GLI2: variants seen among roughly 807,000 people sequenced by gnomAD.
GLI2 encodes the protein GLI family zinc finger 2, also known as transcription activator GLI2.
In GLI2, 22 loss-of-function variants were observed where a neutral mutation model predicts 78.9. That is an observed-to-expected ratio of 0.28 (90% CI 0.20 to 0.40). GLI2 has a LOEUF of 0.40. Ranked by LOEUF, GLI2 falls within the 10% of genes least tolerant of loss-of-function variation. GLI2 has a pLI of 1.00. For missense variants in GLI2, 2,097 were observed against 2,213.2 expected (o/e 0.95, Z 1.05); for synonymous variants, 974 against 963.7 (o/e 1.01, Z -0.20).
chr2:120,867,952 C>T (rs754788377), intron 2 of GLI2, among the ~76,000 whole-genome samples: 2 of 152,202 alleles, frequency 1.3e-5, no homozygotes, highest in African/African-American at 2.4e-5. Context: ...TGCGTGGACC[C>T]AGGCGAGCGT....
chr2:120,982,317 G>A (rs1193205964), intron 10 of GLI2, among the ~76,000 whole-genome samples: 1 of 152,232 alleles, frequency 6.6e-6, no homozygotes, highest in Admixed American at 6.5e-5. Context: ...TTCTAACCGA[G>A]AGTGGTACTG....
At chr2:120,933,840 AGCCCT>A (rs56996797) in intron 3 of GLI2, among the ~76,000 whole-genome samples, 57,648 of 137,628 alleles carry the variant, frequency 0.42, 11,710 homozygotes, top group East Asian at 0.51. Context: ...GGACCTTTCC[AGCCCT>A]GCCCTGCCCT....
At chr2:120,815,590 A>T (rs1428646994) in intron 2 of GLI2, among the ~76,000 whole-genome samples, 1 of 152,122 alleles carries the variant, frequency 6.6e-6, no homozygotes, top group Non-Finnish European at 1.5e-5. Flanking sequence ...CCACCTCTCT[A>T]GCCTCTGTGC....
intron 1 of GLI2, among the ~76,000 whole-genome samples, chr2:120,779,458 A>G (rs545978771): frequency 3.2e-4 from 49 of 152,180 alleles, no homozygotes; most frequent in African/African-American, 1.2e-3. Flanking sequence ...ATGGTGGTGC[A>G]TGACGGCAAA....
At chr2:120,915,705 C>G (rs1242428571) in intron 2 of GLI2, among the ~76,000 whole-genome samples, 7 of 152,178 alleles carry the variant, frequency 4.6e-5, no homozygotes, top group Non-Finnish European at 1.0e-4. Flanking sequence ...GTGTCAGGAT[C>G]TCAGAACAGA....
intron 2 of GLI2, among the ~76,000 whole-genome samples, chr2:120,798,538 G>A (rs1299007283): frequency 6.6e-6 from 1 of 152,168 alleles, no homozygotes; most frequent in Non-Finnish European, 1.5e-5. Context: ...TTTTTCCTGC[G>A]GTTCTAAGTG....
intron 2 of GLI2, among the ~76,000 whole-genome samples, chr2:120,919,573 G>C (rs568215731): frequency 3.3e-5 from 5 of 152,236 alleles, no homozygotes; most frequent in Admixed American, 3.3e-4. Flanking sequence ...GTCCTGACAC[G>C]GGGCCCACCC....
intron 1 of GLI2, among the ~76,000 whole-genome samples, chr2:120,752,332 G>A (rs897760292): frequency 6.7e-6 from 1 of 148,622 alleles, no homozygotes; most frequent in Non-Finnish European, 1.5e-5. Flanking sequence ...GTGCAGTGGC[G>A]TGATCTTGGC....
chr2:120,838,585 C>T (rs537709793), intron 2 of GLI2, among the ~76,000 whole-genome samples: 1 of 152,284 alleles, frequency 6.6e-6, no homozygotes, highest in East Asian at 1.9e-4. Context: ...GCCACATTGT[C>T]TTAGTCCACT....
chr2:120,986,523 G>A lies in GLI2; in HGVS notation c.2151G>A (p.Lys717=), dbSNP rs1682986061. 1.2e-6 allele frequency: 2 copies of A among 1,614,032 alleles called. No homozygotes were observed. The highest frequency in any genetic ancestry group is 1.1e-5 in the South Asian group (1 of 91,090). ...TGCACCGGTTCGAGCAGCTCAAGAA[G>A]GAGAAGCTCAAGTCACTCAAGGATT... ...TTMHRFEQLK[K]EKLKSLKDSC... The change falls in exon 13 of 14, where the codon AAG becomes AAA. Residue 717 remains lysine, a synonymous_variant. Coordinates refer to ENST00000361492, the MANE Select transcript of GLI2 (RefSeq NM_001374353.1).
intron 5 of GLI2, among the ~76,000 whole-genome samples, chr2:120,957,577 G>A (rs1356847181): frequency 1.3e-5 from 2 of 152,222 alleles, no homozygotes; most frequent in Non-Finnish European, 2.9e-5. Context: ...AGGGCCTGAG[G>A]GTGGCACCAG....
chr2:120,968,514 C>A (rs895299329), intron 5 of GLI2, among the ~76,000 whole-genome samples, 200 bp from the exon 6 acceptor site: 1 of 152,204 alleles, frequency 6.6e-6, no homozygotes, highest in East Asian at 1.9e-4. Flanking sequence ...CCACACCCTG[C>A]GCTGCTCAGT....
chr2:120,760,734 T>A (rs772975306), intron 1 of GLI2, among the ~76,000 whole-genome samples: 5 of 152,176 alleles, frequency 3.3e-5, no homozygotes, highest in Non-Finnish European at 5.9e-5. Flanking sequence ...CTCTTTTGGC[T>A]CTTTTTTCTC....
intron 2 of GLI2, among the ~76,000 whole-genome samples, chr2:120,851,008 G>T (rs529817191): frequency 2.0e-5 from 3 of 152,216 alleles, no homozygotes; most frequent in African/African-American, 7.2e-5. Context: ...CACAGGGAGG[G>T]GACTATTGCC....
At chr2:120,986,139 C>T in intron 12 of GLI2, 139 bp from the exon 13 acceptor site, 1 of 733,642 alleles carries the variant, frequency 1.4e-6, no homozygotes, top group Non-Finnish European at 2.4e-6. Context: ...TTTACGTGCT[C>T]CTCCGCAAGG....
intron 2 of GLI2, among the ~76,000 whole-genome samples, chr2:120,921,992 C>T (rs2104848602): frequency 6.6e-6 from 1 of 152,336 alleles, no homozygotes; most frequent in Middle Eastern, 3.4e-3. Context: ...ATCCATGTCT[C>T]CTCTGTTCCC....
At chr2:120,906,613 C>T (rs1323662838) in intron 2 of GLI2, among the ~76,000 whole-genome samples, 1 of 152,100 alleles carries the variant, frequency 6.6e-6, no homozygotes, top group Non-Finnish European at 1.5e-5. Flanking sequence ...AGAGGACAGC[C>T]TCCCACCAAG....
At chr2:120,923,408 T>C (rs1054558915) in intron 2 of GLI2, among the ~76,000 whole-genome samples, 1 of 148,316 alleles carries the variant, frequency 6.7e-6, no homozygotes, top group Non-Finnish European at 1.5e-5. Context: ...AACATGCATG[T>C]ACATATACAC....
rs1553480327 is a variant in GLI2 at position 120,992,050 on chromosome 2, A to ACACACCCCC, written c.*1376_*1377insACACCCCCC. ...CACACACACACACACACACACACACACCCCAAACCTTTTCATGGGGAATGT... is the reference window on the plus strand; with the variant it reads ...CACACACACACACACACACACACACACACACCCCCCCCCAAACCTTTTCATGGGGAATGT... On this transcript the variant is annotated 3_prime_UTR_variant, in exon 14 of 14. Coordinates refer to ENST00000361492, the MANE Select transcript of GLI2 (RefSeq NM_001374353.1). The ACACACCCCC allele has an allele frequency of 2.7e-5, 4 of 146,900 alleles. No homozygotes were observed. Among genetic ancestry groups the ACACACCCCC allele is most frequent in the Non-Finnish European group, 4.5e-5 (3 of 67,406 alleles). The allele number at this position is 146,900 out of a possible 1,614,324, so 9.1% of individuals were successfully genotyped here.
Sources: gnomAD v4.1 joint callset for allele counts (sites outside exome capture counted in the v4.1 genomes callset) on GRCh38, gnomAD v4.1.1 for gene constraint, MANE v1.5 for transcripts, NCBI Gene and HGNC (gene_info 2026-07-23, HGNC 2026-07-21) for gene names.